PICALM: variants seen among roughly 807,000 people sequenced by gnomAD.
PICALM encodes the protein phosphatidylinositol binding clathrin assembly protein.
A neutral mutation model predicts 80.5 loss-of-function variants in PICALM; 40 were observed. The ratio of observed to expected loss-of-function variants is 0.50; its 90% CI spans 0.39 to 0.65. The LOEUF is 0.65. Ranked by LOEUF, PICALM falls within the 30% of genes least tolerant of loss-of-function variation. The pLI is 0.00. For synonymous variants in PICALM, 288 were observed against 260.3 expected (o/e 1.11, Z -1.02); for missense variants, 676 against 778.9 (o/e 0.87, Z 1.57).
In PICALM at chr11:86,068,879, C is replaced by A. The variant is rs544282256; in HGVS notation, c.-99G>T. 173 of 1,419,298 alleles carry A rather than the reference C, an allele frequency of 1.2e-4. No individual in the cohort carries two copies. Among genetic ancestry groups the A allele is most frequent in the Non-Finnish European group, 1.1e-4 (124 of 1,082,234 alleles). 87.9% of individuals were successfully genotyped at this position (1,419,298 alleles called of 1,614,324 possible). On this transcript the variant is annotated 5_prime_UTR_variant, in exon 1 of 20. Coordinates refer to ENST00000393346, the MANE Select transcript of PICALM (RefSeq NM_007166.4). The stretch of plus-strand genomic sequence containing the variant: ...CCACCCCCCACCGCACCCCCTACCC[C>A]CACCGGCTCCTTCCCCGCCTGCCGG...
At chr11:85,993,351 G>C (rs941263206) in intron 12 of PICALM, among the ~76,000 whole-genome samples, 1 of 151,804 alleles carries the variant, frequency 6.6e-6, no homozygotes, top group Non-Finnish European at 1.5e-5. Context: ...CTCCCAAACT[G>C]CTGGGATTAC....
At chr11:86,029,978 A>G (rs766102550) in intron 2 of PICALM, among the ~76,000 whole-genome samples, 8 of 152,192 alleles carry the variant, frequency 5.3e-5, no homozygotes, top group Non-Finnish European at 7.4e-5. Flanking sequence ...AGGGGAAATC[A>G]TTTTTAAAAA....
At chr11:86,016,164 C>G (rs1414426353) in intron 4 of PICALM, among the ~76,000 whole-genome samples, 2 of 152,216 alleles carry the variant, frequency 1.3e-5, no homozygotes, top group Non-Finnish European at 2.9e-5. Context: ...TTCTCCATCA[C>G]AGAAGATTTG....
At chr11:86,062,088 G>A (rs952278263) in intron 1 of PICALM, among the ~76,000 whole-genome samples, 8 of 152,188 alleles carry the variant, frequency 5.3e-5, no homozygotes, top group African/African-American at 1.9e-4. Flanking sequence ...AAAAAATAGT[G>A]GTTGCCAGTG....
At chr11:86,029,102 T>C (rs1335839004) in intron 2 of PICALM, among the ~76,000 whole-genome samples, 2 of 152,120 alleles carry the variant, frequency 1.3e-5, no homozygotes, top group African/African-American at 4.8e-5. Context: ...GCCTCCCAAA[T>C]TGCTGGGATT....
At chr11:86,044,545 C>CT (rs1334570219) in intron 1 of PICALM, among the ~76,000 whole-genome samples, 1 of 147,130 alleles carries the variant, frequency 6.8e-6, no homozygotes, top group East Asian at 2.0e-4. Context: ...AATCTGATCA[C>CT]TTTAAGTGAC....
intron 19 of PICALM, among the ~76,000 whole-genome samples, chr11:85,973,625 G>A (rs77821050): frequency 0.013 from 1,908 of 152,098 alleles, 44 homozygotes; most frequent in African/African-American, 0.044. Context: ...TCCACTGTGG[G>A]TCTTGGAACA....
chr11:85,965,809 T>TG (rs2093865242), intron 19 of PICALM, among the ~76,000 whole-genome samples: 1 of 36,110 alleles, frequency 2.8e-5, no homozygotes, highest in East Asian at 4.5e-4. Context: ...CCCATTTTGT[T>TG]TTTTTGTTTT....
intron 13 of PICALM, among the ~76,000 whole-genome samples, chr11:85,989,678 A>G (rs564431515): frequency 6.6e-6 from 1 of 152,254 alleles, no homozygotes; most frequent in East Asian, 1.9e-4. Context: ...CTGCTTTACT[A>G]TTTAAAATGA....
In PICALM at chr11:86,012,315, A is replaced by T; in HGVS notation, c.624T>A (p.Phe208Leu). 6.2e-7 allele frequency: 1 copy of T among 1,607,354 alleles called. No individual in the cohort carries two copies. Among genetic ancestry groups the T allele is most frequent in the Non-Finnish European group, 8.5e-7 (1 of 1,174,834 alleles). The change falls in exon 6 of 20, where the codon TTT becomes TTA. Residue 208 changes from phenylalanine (F) to leucine (L), a missense_variant. Physicochemically the swap from Phe to Leu is conservative, Grantham distance 22. Coordinates refer to ENST00000393346, the MANE Select transcript of PICALM (RefSeq NM_007166.4). ...TAATAATTCCTTCATTGTATGCTGC[A>T]AACAGTCTAATGGCATCTTTGAACA... ...MLLFKDAIRL[F>L]AAYNEGIINL...
chr11:85,969,621 G>C (rs780246545), intron 19 of PICALM: 1 of 393,060 alleles, frequency 2.5e-6, no homozygotes, highest in South Asian at 2.0e-5. Flanking sequence ...GAGACTGGCT[G>C]AGAATCATTA....
chr11:86,060,735 C>CA (rs61642872), intron 1 of PICALM, among the ~76,000 whole-genome samples: 64,324 of 132,696 alleles, frequency 0.48, 15,613 homozygotes, highest in Middle Eastern at 0.62. Flanking sequence ...TATCCACAGG[C>CA]AAAAAAAAAA....
chr11:85,968,088 C>T (rs1387817929), intron 19 of PICALM, among the ~76,000 whole-genome samples: 1 of 152,166 alleles, frequency 6.6e-6, no homozygotes, highest in Non-Finnish European at 1.5e-5. Context: ...AATCCCAGCA[C>T]TTTTGGAAGC....
chr11:85,975,850 G>A (rs2094263423), intron 18 of PICALM, among the ~76,000 whole-genome samples: 1 of 151,996 alleles, frequency 6.6e-6, no homozygotes, highest in Non-Finnish European at 1.5e-5. Flanking sequence ...ACCCACCTTG[G>A]CCTCCCAAAG....
At chr11:86,017,741 T>C (rs530734491) in intron 4 of PICALM, among the ~76,000 whole-genome samples, 4 of 152,324 alleles carry the variant, frequency 2.6e-5, no homozygotes, top group Non-Finnish European at 5.9e-5. Flanking sequence ...TATAAATAGT[T>C]AACAGTTTGT....
chr11:86,006,119 A>G (rs1414651678), intron 8 of PICALM, among the ~76,000 whole-genome samples: 1 of 152,246 alleles, frequency 6.6e-6, no homozygotes, highest in Non-Finnish European at 1.5e-5. Context: ...TAAAGTTGCC[A>G]AATCATTTTA....
At chr11:86,038,843 G>A (rs563214722) in intron 1 of PICALM, among the ~76,000 whole-genome samples, 15 of 152,008 alleles carry the variant, frequency 9.9e-5, no homozygotes, top group Non-Finnish European at 2.1e-4. Context: ...AGGTGCAGTG[G>A]CTCATGCCTG....
intron 1 of PICALM, among the ~76,000 whole-genome samples, chr11:86,054,411 A>G (rs1474053637): frequency 6.6e-6 from 1 of 152,218 alleles, no homozygotes; most frequent in African/African-American, 2.4e-5. Context: ...AAGAGCCCAG[A>G]GTTTATCAAG....
intron 4 of PICALM, among the ~76,000 whole-genome samples, chr11:86,017,011 C>G (rs1205259485): frequency 1.3e-5 from 2 of 152,174 alleles, no homozygotes; most frequent in African/African-American, 4.8e-5. Flanking sequence ...ATCACGAGGT[C>G]AGGATTTCGA....
Sources: allele counts gnomAD v4.1 joint callset (sites outside exome capture counted in the v4.1 genomes callset), GRCh38; gene constraint gnomAD v4.1.1; transcripts MANE v1.5; gene names NCBI Gene and HGNC (gene_info 2026-07-23, HGNC 2026-07-21).